The following NALCN variants were observed in gnomAD, a reference collection of about 807,000 sequenced individuals.
NALCN encodes the protein sodium leak channel NALCN.
A neutral mutation model predicts 225.3 loss-of-function variants in NALCN; 111 were observed. The ratio of observed to expected loss-of-function variants is 0.49; its 90% CI spans 0.42 to 0.58. NALCN has a LOEUF of 0.58. NALCN is among the 20% of genes least tolerant of loss of function. The pLI, the probability that NALCN is intolerant of heterozygous loss-of-function variation, is 0.00. For synonymous variants in NALCN, 764 were observed against 769.0 expected (o/e 0.99, Z 0.11); for missense variants, 1,378 against 2,202.4 (o/e 0.63, Z 7.49).
intron 6 of NALCN, among the ~76,000 whole-genome samples, chr13:101,375,831 G>A (rs2046673535): frequency 6.6e-6 from 1 of 152,074 alleles, no homozygotes; most frequent in African/African-American, 2.4e-5. Context: ...CTTCTGGGTT[G>A]TGCTTGGAAC....
At position 101,262,916 on chromosome 13, in the gene NALCN, T is replaced by C. The variant is rs1016481985; in HGVS notation, c.1135-4342A>G. Reference sequence around the variant, plus strand: ...TATTAATTTTAAATGAGTCAATATATGTAAAGGGCTTAGAACAGTGATTAC... The same window carrying C: ...TATTAATTTTAAATGAGTCAATATACGTAAAGGGCTTAGAACAGTGATTAC... On this transcript the variant is annotated intron_variant, in intron 10 of 43. Transcript: ENST00000251127. Among the ~76,000 whole-genome samples, 3 of 152,298 alleles carry C rather than the reference T, an allele frequency of 2.0e-5. No homozygotes were observed. In the East Asian group the frequency reaches 5.8e-4, roughly 29 times the overall value.
At chr13:101,138,280 CTGAA>C (rs1285262611) in intron 17 of NALCN, among the ~76,000 whole-genome samples, 1 of 152,178 alleles carries the variant, frequency 6.6e-6, no homozygotes, top group Non-Finnish European at 1.5e-5. Flanking sequence ...TGTTGAATGA[CTGAA>C]TGAATGTTAA....
Position 101,376,449 on chromosome 13 carries a change from G to A in NALCN, c.644+251C>T, listed in dbSNP as rs751057827. 2.4e-4 allele frequency among the ~76,000 whole-genome samples: 37 copies of A among 152,056 alleles called. 1 individual carries two copies. The highest frequency in any genetic ancestry group is 2.8e-4 in the Non-Finnish European group (19 of 67,974). ...GGAGAAACGCTTGAACCCGGGATGCGGAGGTTGCAGTGAACCGAGATCGCG... is the reference window on the plus strand; with the variant it reads ...GGAGAAACGCTTGAACCCGGGATGCAGAGGTTGCAGTGAACCGAGATCGCG... On this transcript the variant is annotated intron_variant, in intron 6 of 43. Transcript: ENST00000251127.
chr13:101,415,803 C>T (rs984372432), intron 1 of NALCN, among the ~76,000 whole-genome samples: 1 of 152,054 alleles, frequency 6.6e-6, no homozygotes, highest in African/African-American at 2.4e-5. Flanking sequence ...AGCCAGGCTG[C>T]CCACCCCCAC....
At chr13:101,138,854 C>A (rs2036929855) in intron 17 of NALCN, among the ~76,000 whole-genome samples, 1 of 152,152 alleles carries the variant, frequency 6.6e-6, no homozygotes, top group South Asian at 2.1e-4. Flanking sequence ...AGGAAAAATA[C>A]AAGTAGAAAT....
intron 11 of NALCN, among the ~76,000 whole-genome samples, chr13:101,254,513 A>C (rs530357187): frequency 2.8e-4 from 42 of 151,960 alleles, no homozygotes; most frequent in Non-Finnish European, 5.6e-4. Flanking sequence ...CAAAATCACC[A>C]CTACCTAGTT....
At chr13:101,335,645 A>G (rs1401869675) in intron 7 of NALCN, among the ~76,000 whole-genome samples, 3 of 151,968 alleles carry the variant, frequency 2.0e-5, no homozygotes, top group Admixed American at 6.6e-5. Flanking sequence ...ATAAAAATCA[A>G]TAAGTAATTC....
rs1566333707 is a variant in NALCN, at chr13:101,143,095, TTTGTTGTCCTCAA to T, written c.2090_2102del (p.Ile697AsnfsTer30). The T allele has an allele frequency of 1.2e-6, 2 of 1,614,176 alleles. No individual in the cohort carries two copies. The highest frequency in any genetic ancestry group is 1.7e-6 in the Non-Finnish European group (2 of 1,180,024). On this transcript the variant is annotated frameshift_variant, in exon 17 of 44. Transcript: ENST00000251127. LOFTEE classifies it high-confidence loss of function. ...CAGATCTTACTTTTTGGTCGATGTA[TTTGTTGTCCTCAA>T]TTGCTGAGCGTTTGGAGTGGTCGCA...
At chr13:101,164,150 C>T (rs1388970481) in intron 15 of NALCN, among the ~76,000 whole-genome samples, 4 of 152,166 alleles carry the variant, frequency 2.6e-5, no homozygotes, top group Non-Finnish European at 4.4e-5. Flanking sequence ...AGGGCTTCCA[C>T]GTACCTATTT....
chr13:101,364,161 T>C (rs1038396460), intron 6 of NALCN, among the ~76,000 whole-genome samples: 7 of 152,150 alleles, frequency 4.6e-5, no homozygotes, highest in Non-Finnish European at 1.0e-4. Flanking sequence ...TGAAAAACAG[T>C]ACGGACTGAA....
At chr13:101,066,684 G>A (rs574530531) in intron 39 of NALCN, among the ~76,000 whole-genome samples, 2 of 152,138 alleles carry the variant, frequency 1.3e-5, no homozygotes, top group Non-Finnish European at 2.9e-5. Flanking sequence ...TGCACGCAGG[G>A]CTCTCACTAC....
At chr13:101,369,616 C>T (rs1056342218) in intron 6 of NALCN, among the ~76,000 whole-genome samples, 1 of 152,106 alleles carries the variant, frequency 6.6e-6, no homozygotes, top group African/African-American at 2.4e-5. Flanking sequence ...TTTAATAAAA[C>T]GGTAATTTGA....
chr13:101,073,434 T>A (rs547767601), intron 37 of NALCN, 150 bp downstream of exon 37: 1 of 590,396 alleles, frequency 1.7e-6, no homozygotes, highest in African/African-American at 1.9e-5. Context: ...TTGGAATGTA[T>A]AATAATGCAA....
intron 15 of NALCN, among the ~76,000 whole-genome samples, chr13:101,173,005 T>C (rs1244688680): frequency 7.2e-5 from 11 of 152,228 alleles, no homozygotes; most frequent in Non-Finnish European, 1.5e-5. Context: ...GCTGCTATGC[T>C]GCAAGCCTGT....
chr13:101,342,609 C>T (rs952915583), intron 7 of NALCN, among the ~76,000 whole-genome samples: 1 of 152,172 alleles, frequency 6.6e-6, no homozygotes, highest in African/African-American at 2.4e-5. Flanking sequence ...GTCTGAGATC[C>T]ACAGTAGGCA....
At chr13:101,067,848 A>G in intron 39 of NALCN, 70 bp downstream of exon 39, 1 of 1,070,580 alleles carries the variant, frequency 9.3e-7, no homozygotes, top group Non-Finnish European at 1.4e-6. Context: ...CCTGAAAACC[A>G]TTTAAGTGTT....
At chr13:101,209,491 T>C (rs2040443811) in intron 13 of NALCN, among the ~76,000 whole-genome samples, 1 of 152,176 alleles carries the variant, frequency 6.6e-6, no homozygotes, top group Non-Finnish European at 1.5e-5. Flanking sequence ...TTTGTTTCCA[T>C]CTTAATTTGT....
intron 6 of NALCN, among the ~76,000 whole-genome samples, chr13:101,364,598 G>C (rs181543330): frequency 6.6e-6 from 1 of 152,204 alleles, no homozygotes; most frequent in Admixed American, 6.6e-5. Flanking sequence ...GCCCAGGGTT[G>C]GATGAAGAAA....
chr13:101,060,449 ATTTTT>A (rs55697849), intron 41 of NALCN, among the ~76,000 whole-genome samples: 6 of 93,702 alleles, frequency 6.4e-5, no homozygotes, highest in South Asian at 7.9e-4. Flanking sequence ...TGGCTAATTA[ATTTTT>A]TTTTTTTTTT....
Sources: allele counts gnomAD v4.1 joint callset (sites outside exome capture counted in the v4.1 genomes callset), GRCh38; gene constraint gnomAD v4.1.1; transcripts MANE v1.5; gene names NCBI Gene and HGNC (gene_info 2026-07-23, HGNC 2026-07-21).